Variants in ZNF548 observed in about 807,000 individuals in gnomAD.
ZNF548 encodes zinc finger protein 548.
Under a neutral mutation model 10.2 loss-of-function variants are expected in ZNF548, and 10 were observed. That is an observed-to-expected ratio of 0.98 (90% CI 0.60 to 1.66). The LOEUF (loss-of-function observed/expected upper bound fraction) is 1.66. ZNF548 is among the 40% of genes most tolerant of loss of function. The pLI is 0.00. For synonymous variants in ZNF548, 217 were observed against 223.5 expected (o/e 0.97, Z 0.26); for missense variants, 599 against 657.0 (o/e 0.91, Z 0.97).
At position 57,390,130 on chromosome 19, in the gene ZNF548, C is replaced by T. The variant is rs536081161; in HGVS notation, c.15+16C>T. On this transcript the variant is annotated intron_variant, in intron 1 of 3. Coordinates refer to ENST00000336128, the MANE Select transcript of ZNF548 (RefSeq NM_001172773.2). Reference sequence around the variant, plus strand: ...CCTGACTGAGGTGGGTGTCCCGTCCCAGGCTCCCCCGCCCGACCGGTCCTC... The same window carrying T: ...CCTGACTGAGGTGGGTGTCCCGTCCTAGGCTCCCCCGCCCGACCGGTCCTC... 9.3e-6 allele frequency: 15 copies of T among 1,607,000 alleles called. No individual in the cohort carries two copies. Among genetic ancestry groups the T allele is most frequent in the African/African-American group, 2.7e-5 (2 of 75,066 alleles).
At position 57,400,428 on chromosome 19, in the gene ZNF548, A is replaced by AT. The variant is rs369275987; in HGVS notation, c.*551dup. ...TGGTGCTGGATCATATAGGATTTCT[A>AT]TTTTTTTTTTTTGTTTGTTTTTGAG... On this transcript the variant is annotated 3_prime_UTR_variant, in exon 4 of 4. Transcript: ENST00000336128. 7.2e-3 allele frequency: 1,052 copies of AT among 145,866 alleles called. 6 individuals are homozygous for AT. The highest frequency in any genetic ancestry group is 0.014 in the African/African-American group (556 of 39,760). The allele number at this position is 145,866 out of a possible 1,614,324, so 9.0% of individuals were successfully genotyped here. A position where few individuals can be genotyped will look rare whatever the true frequency, so the allele number is the denominator to read the frequency against.
At position 57,398,697 on chromosome 19, in the gene ZNF548, T is replaced by C. The variant is rs1162321755; in HGVS notation, c.446T>C (p.Ile149Thr). The change falls in exon 4 of 4, where the codon ATA becomes ACA. Residue 149 changes from isoleucine (I) to threonine (T), a missense_variant. Physicochemically the swap from Ile to Thr is moderately conservative, Grantham distance 89. Coordinates refer to ENST00000336128, the MANE Select transcript of ZNF548 (RefSeq NM_001172773.2). ...AATCTTTCCAGAGGGGATGATTGGA[T>C]ACCTTCATTTGGGAAGAACCACAGA... ...GENLSRGDDW[I>T]PSFGKNHRVH... 4 of 1,613,944 alleles carry C rather than the reference T, an allele frequency of 2.5e-6. No individual in the cohort carries two copies. The highest frequency in any genetic ancestry group is 1.1e-5 in the South Asian group (1 of 91,088).
At position 57,389,880 on chromosome 19, in the gene ZNF548, G is replaced by C; in HGVS notation, c.-220G>C. 2.0e-6 allele frequency: 1 copy of C among 494,138 alleles called. No homozygotes were observed. Among genetic ancestry groups the C allele is most frequent in the Non-Finnish European group, 3.6e-6 (1 of 280,366 alleles). 30.6% of individuals were successfully genotyped at this position (494,138 alleles called of 1,614,324 possible). A position where few individuals can be genotyped will look rare whatever the true frequency, so the allele number is the denominator to read the frequency against. ...GGACTTCCGCCGTCCTCCTGGTGGT[G>C]GTCGTTTTGGTTCTGTGTGGTGTTT... On this transcript the variant is annotated 5_prime_UTR_variant, in exon 1 of 4. Coordinates refer to ENST00000336128, the MANE Select transcript of ZNF548 (RefSeq NM_001172773.2).
intron 1 of ZNF548, among the ~76,000 whole-genome samples, chr19:57,392,542 GT>G (rs1348587718): frequency 6.6e-6 from 1 of 152,156 alleles, no homozygotes; most frequent in Non-Finnish European, 1.5e-5. Flanking sequence ...TGAAAAGTGT[GT>G]CCTTTCCGTA....
At position 57,391,789 on chromosome 19, in the gene ZNF548, GT is replaced by G. The variant is rs71186258; in HGVS notation, c.15+1697del. Among the ~76,000 whole-genome samples the G allele has an allele frequency of 4.7e-3, 441 of 93,568 alleles. 2 individuals carry two copies. The highest frequency in any genetic ancestry group is 0.016 in the African/African-American group (401 of 24,528). The allele number at this position is 93,568 out of a possible 152,430, so 61.4% of individuals were successfully genotyped here. On this transcript the variant is annotated intron_variant, in intron 1 of 3. Transcript: ENST00000336128. ...GAAAAATGTCTGCCCTGTGCTTACT[GT>G]TTTTTTTTTTTTTTTTTTTTTGAAA...
chr19:57,390,143 C>T (rs1202614495), intron 1 of ZNF548, 29 bp downstream of exon 1: 10 of 1,605,402 alleles, frequency 6.2e-6, no homozygotes, highest in Admixed American at 1.7e-5. Flanking sequence ...GCTCCCCCGC[C>T]CGACCGGTCC....
Position 57,399,394 on chromosome 19 carries a change from A to T in ZNF548, c.1143A>T (p.Val381=). Residue 381 remains valine (V), a synonymous_variant, in exon 4 of 4, where the codon GTA becomes GTT. Transcript: ENST00000336128. This position sits in a 1 kb window ranked among gnomAD's most constrained non-coding sequence, Gnocchi z 4.0. ...HTGERPYECS[V]CGELFRYNSS... ...GAGAAAGGCCTTATGAGTGCAGTGT[A>T]TGTGGGGAATTGTTTAGGTACAACT... 1 of 1,613,828 alleles carries T rather than the reference A, an allele frequency of 6.2e-7. No homozygotes were observed. The highest frequency in any genetic ancestry group is 8.5e-7 in the Non-Finnish European group (1 of 1,179,966).
chr19:57,399,799 T>C lies in ZNF548; in HGVS notation c.1548T>C (p.Leu516=). ...HHQKIHSEER[L]VCSMNVGNSL... ...AGAAAATCCACAGTGAAGAGAGGCTTGTGTGCTCCATGAATGTGGGGAATT... is the reference window on the plus strand; with the variant it reads ...AGAAAATCCACAGTGAAGAGAGGCTCGTGTGCTCCATGAATGTGGGGAATT... Residue 516 remains leucine (L), a synonymous_variant, in exon 4 of 4, where the codon CTT becomes CTC. Coordinates refer to ENST00000336128, the MANE Select transcript of ZNF548 (RefSeq NM_001172773.2). The surrounding 1 kb of genome is among the most constrained non-coding windows in gnomAD (Gnocchi z 4.0). The C allele has an allele frequency of 6.2e-7, 1 of 1,614,030 alleles. No homozygotes were observed. Among genetic ancestry groups the C allele is most frequent in the Non-Finnish European group, 8.5e-7 (1 of 1,179,898 alleles).
chr19:57,398,829 A>G lies in ZNF548; in HGVS notation c.578A>G (p.Tyr193Cys). 1 of 1,614,072 alleles carries G rather than the reference A, an allele frequency of 6.2e-7. No homozygotes were observed. The highest frequency in any genetic ancestry group is 2.2e-5 in the East Asian group (1 of 44,884). Residue 193 changes from tyrosine (Y) to cysteine (C), a missense_variant, in exon 4 of 4, where the codon TAC (tyrosine) becomes TGC (cysteine). Tyr to Cys is a radical substitution (Grantham distance 194). Transcript: ENST00000336128. Reference sequence around the variant, plus strand: ...GGCCCTCAAAGCGAGTGGAAGCCATACAGGGACACAGAGGACAGAGAAGCC... The same window carrying G: ...GGCCCTCAAAGCGAGTGGAAGCCATGCAGGGACACAGAGGACAGAGAAGCC... Reference protein sequence around the residue: ...HQGPQSEWKPYRDTEDREAFQ... With the variant: ...HQGPQSEWKPCRDTEDREAFQ...
At chr19:57,392,958 T>A in intron 1 of ZNF548, 1 of 985,722 alleles carries the variant, frequency 1.0e-6, no homozygotes, top group Non-Finnish European at 1.2e-6. Context: ...GGTAAGCATA[T>A]GGCCTGGGAT....
chr19:57,390,394 T>C, intron 1 of ZNF548: 1 of 385,840 alleles, frequency 2.6e-6, no homozygotes, highest in Non-Finnish European at 4.7e-6. Context: ...AATGGCAACC[T>C]GAGCAGCCAG....
chr19:57,396,947 C>T, intron 2 of ZNF548, 101 bp from the exon 3 acceptor site: 1 of 1,481,762 alleles, frequency 6.7e-7, no homozygotes, highest in Non-Finnish European at 9.0e-7. Context: ...TAGTTTGGCC[C>T]TGTGTTTAAT....
intron 1 of ZNF548, chr19:57,390,933 T>C (rs1311541133): frequency 6.6e-6 from 1 of 152,268 alleles, no homozygotes; most frequent in Non-Finnish European, 1.5e-5. Flanking sequence ...GAGGATCAGA[T>C]TGAGTAGGTC....
Position 57,395,461 on chromosome 19 carries a change from T to C in ZNF548, c.51+1238T>C, listed in dbSNP as rs2088658221. On this transcript the variant is annotated intron_variant, in intron 2 of 3. Coordinates refer to ENST00000336128, the MANE Select transcript of ZNF548 (RefSeq NM_001172773.2). This position sits in a 1 kb window ranked among gnomAD's most constrained non-coding sequence, Gnocchi z 4.8. The stretch of plus-strand genomic sequence containing the variant: ...AAAAGAGGTTTAACCAACTCACAGT[T>C]CTTCAGGCTTAACAGGAAGCATAAC... Among the ~76,000 whole-genome samples the C allele has an allele frequency of 2.0e-5, 3 of 152,152 alleles. No homozygotes were observed. In the South Asian group the frequency reaches 6.2e-4, roughly 32 times the overall value.
chr19:57,398,447 G>T lies in ZNF548; in HGVS notation c.196G>T (p.Glu66Ter). Reference protein sequence around the residue: ...LSSLGSWHGAEDEEAPSQQGF... With the variant: ...LSSLGSWHGA ...TCTGACAGGTTCTTGGCATGGAGCTGAGGATGAGGAGGCACCTTCACAGCA... is the reference window on the plus strand; with the variant it reads ...TCTGACAGGTTCTTGGCATGGAGCTTAGGATGAGGAGGCACCTTCACAGCA... The change falls in exon 4 of 4, where the codon GAG becomes TAG. Residue 66 changes from glutamate (E) to a stop codon, truncating the protein, a stop_gained. Transcript: ENST00000336128. LOFTEE classifies it low-confidence loss of function (END_TRUNC). 6.2e-7 allele frequency: 1 copy of T among 1,613,730 alleles called. No homozygotes were observed. The highest frequency in any genetic ancestry group is 1.1e-5 in the South Asian group (1 of 91,078).
chr19:57,391,630 T>G (rs956094877), intron 1 of ZNF548, among the ~76,000 whole-genome samples: 1 of 152,048 alleles, frequency 6.6e-6, no homozygotes, highest in Non-Finnish European at 1.5e-5. Context: ...ACATCAGTTG[T>G]TTTTTGACAT....
chr19:57,392,704 T>C (rs775947597), intron 1 of ZNF548: 89 of 865,996 alleles, frequency 1.0e-4, no homozygotes, highest in Non-Finnish European at 1.2e-4. Context: ...TGTCTATTTC[T>C]ATCCATTACC....
In ZNF548 at chr19:57,398,589, A is replaced by C; in HGVS notation, c.338A>C (p.Glu113Ala). 1 of 1,614,072 alleles carries C rather than the reference A, an allele frequency of 6.2e-7. No homozygotes were observed. Among genetic ancestry groups the C allele is most frequent in the East Asian group, 2.2e-5 (1 of 44,890 alleles). The change falls in exon 4 of 4, where the codon GAG becomes GCG. Residue 113 changes from glutamate (E) to alanine (A), a missense_variant. Coordinates refer to ENST00000336128, the MANE Select transcript of ZNF548 (RefSeq NM_001172773.2). ...TTGAAAGACATTCTGTGCCTGGTTG[A>C]GCACAATGGAATTCATCCTGAGCAA... is the stretch of plus-strand genomic sequence containing the variant. ...PPLKDILCLV[E>A]HNGIHPEQHI...
At position 57,398,870 on chromosome 19, in the gene ZNF548, A is replaced by C; in HGVS notation, c.619A>C (p.Asn207His). The C allele has an allele frequency of 6.2e-7, 1 of 1,614,032 alleles. No individual in the cohort carries two copies. The highest frequency in any genetic ancestry group is 8.5e-7 in the Non-Finnish European group (1 of 1,179,898). The stretch of plus-strand genomic sequence containing the variant: ...CAGAGAAGCCTTTCAGACTGGACAA[A>C]ATGATTACAAATGTAGTGAATGTGG... ...EDREAFQTGQNDYKCSECGKT... is the reference protein window; with the variant it reads ...EDREAFQTGQHDYKCSECGKT... The change falls in exon 4 of 4, where the codon AAT (asparagine) becomes CAT (histidine). Residue 207 changes from asparagine to histidine, a missense_variant. Transcript: ENST00000336128.
Sources: allele counts gnomAD v4.1 joint callset (sites outside exome capture counted in the v4.1 genomes callset), GRCh38; gene constraint gnomAD v4.1.1; non-coding constraint Gnocchi (gnomAD v3.1); transcripts MANE v1.5; gene names NCBI Gene and HGNC (gene_info 2026-07-23, HGNC 2026-07-21).